Variants in SERTAD4 observed in about 807,000 individuals in gnomAD.
The protein encoded by SERTAD4 is SERTA domain containing 4.
Under a neutral mutation model 32.9 loss-of-function variants are expected in SERTAD4, and 18 were observed. That is an observed-to-expected ratio of 0.55 (90% CI 0.38 to 0.81). The LOEUF is 0.81. Ranked by LOEUF, SERTAD4 falls within the 30% of genes least tolerant of loss-of-function variation. SERTAD4 has a pLI of 0.00. For synonymous variants in SERTAD4, 150 were observed against 156.4 expected (o/e 0.96, Z 0.30); for missense variants, 383 against 426.0 (o/e 0.90, Z 0.89).
chr1:210,237,833 A>G (rs947285478), intron 1 of SERTAD4, 111 bp from the exon 2 acceptor site: 108 of 763,488 alleles, frequency 1.4e-4, no homozygotes, highest in Admixed American at 4.5e-4. Flanking sequence ...GGGAGGGCCG[A>G]GAAGTAAAAG....
rs1396549625 is a variant in SERTAD4 at position 210,242,926 on chromosome 1, A to G, written c.*589A>G. ...TAGGGGCGGCAATCAACAGTCTTAC[A>G]CAGAGAGGGTATTCCCTGCAAGTTT... On this transcript the variant is annotated 3_prime_UTR_variant, in exon 4 of 4. Transcript: ENST00000367012. This position sits in a 1 kb window ranked among gnomAD's most constrained non-coding sequence, Gnocchi z 4.0. 1.0e-6 allele frequency: 1 copy of G among 985,932 alleles called. No homozygotes were observed. The highest frequency in any genetic ancestry group is 1.2e-6 in the Non-Finnish European group (1 of 830,066). The allele number at this position is 985,932 out of a possible 1,614,324, so 61.1% of individuals were successfully genotyped here.
chr1:210,243,179 T>G lies in SERTAD4; in HGVS notation c.*842T>G, dbSNP rs1243383532. Reference sequence around the variant, plus strand: ...TTGAACTATTGTGTTCAGCTTTTGATTCGACATCTCTATTCTTTATTTTTG... The same window carrying G: ...TTGAACTATTGTGTTCAGCTTTTGAGTCGACATCTCTATTCTTTATTTTTG... On this transcript the variant is annotated 3_prime_UTR_variant, in exon 4 of 4. Coordinates refer to ENST00000367012, the MANE Select transcript of SERTAD4 (RefSeq NM_019605.5). The G allele has an allele frequency of 1.0e-6, 1 of 954,948 alleles. No homozygotes were observed. The highest frequency in any genetic ancestry group is 1.8e-5 in the African/African-American group (1 of 56,134). The allele number at this position is 954,948 out of a possible 1,614,324, so 59.2% of individuals were successfully genotyped here. A position where few individuals can be genotyped will look rare whatever the true frequency, so the allele number is the denominator to read the frequency against.
chr1:210,245,740 C>T lies in SERTAD4; in HGVS notation c.*3403C>T, dbSNP rs2084042832. 7.9e-6 allele frequency: 7 copies of T among 890,948 alleles called. No homozygotes were observed. In the South Asian group the frequency reaches 2.6e-4, roughly 33 times the overall value. 55.2% of individuals were successfully genotyped at this position (890,948 alleles called of 1,614,324 possible). A position where few individuals can be genotyped will look rare whatever the true frequency, so the allele number is the denominator to read the frequency against. On this transcript the variant is annotated 3_prime_UTR_variant, in exon 4 of 4. Coordinates refer to ENST00000367012, the MANE Select transcript of SERTAD4 (RefSeq NM_019605.5). Reference sequence around the variant, plus strand: ...AACTCCATCAAGACATGGCTACCCACCCCTCCAGTTATGAACTTGTATTAC... The same window carrying T: ...AACTCCATCAAGACATGGCTACCCATCCCTCCAGTTATGAACTTGTATTAC...
chr1:210,237,719 C>G (rs962182693), intron 1 of SERTAD4, among the ~76,000 whole-genome samples: 5 of 152,070 alleles, frequency 3.3e-5, no homozygotes, highest in Non-Finnish European at 7.4e-5. Context: ...TTTAAAGATC[C>G]GCCCATGAAA....
At position 210,241,910 on chromosome 1, in the gene SERTAD4, C is replaced by T. The variant is rs1179444721; in HGVS notation, c.644C>T (p.Thr215Ile). The change falls in exon 4 of 4, where the codon ACT becomes ATT. Residue 215 changes from threonine (T) to isoleucine (I), a missense_variant. Coordinates refer to ENST00000367012, the MANE Select transcript of SERTAD4 (RefSeq NM_019605.5). ...AATGCTAATGTTGGAAGTGCCTCCACTGCTGCCTCCTCTCCCTCCGCCTCT... is the reference window on the plus strand; with the variant it reads ...AATGCTAATGTTGGAAGTGCCTCCATTGCTGCCTCCTCTCCCTCCGCCTCT... ...SVNANVGSAS[T>I]AASSPSASSS... is the part of the protein sequence containing the mutation. The T allele has an allele frequency of 2.5e-6, 4 of 1,614,052 alleles. No individual in the cohort carries two copies. The highest frequency in any genetic ancestry group is 3.4e-6 in the Non-Finnish European group (4 of 1,180,030).
intron 1 of SERTAD4, among the ~76,000 whole-genome samples, chr1:210,235,111 A>T (rs1315146546): frequency 1.3e-5 from 2 of 152,146 alleles, no homozygotes; most frequent in Non-Finnish European, 1.5e-5. Flanking sequence ...CTCCTGTTGA[A>T]TCCATCACCT....
chr1:210,233,806 G>T (rs1164618003), intron 1 of SERTAD4: 1 of 469,960 alleles, frequency 2.1e-6, no homozygotes, highest in African/African-American at 2.0e-5. Flanking sequence ...GGGCGCTCCC[G>T]CAACCGCGGG....
At chr1:210,233,548 G>C (rs182338221) in intron 1 of SERTAD4, 2 of 398,202 alleles carry the variant, frequency 5.0e-6, no homozygotes, top group Non-Finnish European at 9.9e-6. Context: ...GACACCTTCT[G>C]TCCCCCGCCA....
chr1:210,234,190 C>T (rs2083917745), intron 1 of SERTAD4: 3 of 229,432 alleles, frequency 1.3e-5, no homozygotes, highest in South Asian at 1.0e-4. Flanking sequence ...GCGGCACCGA[C>T]ACCCCGGGGG....
Position 210,245,299 on chromosome 1 carries a change from A to G in SERTAD4, c.*2962A>G, listed in dbSNP as rs2084037884. On this transcript the variant is annotated 3_prime_UTR_variant, in exon 4 of 4. Transcript: ENST00000367012. ...TTTAAGAAAGTTGCCTTGCTCCCCAAGAGTGCCTTTAATTGCTATTCCCCT... is the reference window on the plus strand; with the variant it reads ...TTTAAGAAAGTTGCCTTGCTCCCCAGGAGTGCCTTTAATTGCTATTCCCCT... 1 of 152,194 alleles carries G rather than the reference A, an allele frequency of 6.6e-6. No individual in the cohort carries two copies. The highest frequency in any genetic ancestry group is 2.4e-5 in the African/African-American group (1 of 41,454). The allele number at this position is 152,194 out of a possible 1,614,324, so 9.4% of individuals were successfully genotyped here. A position where few individuals can be genotyped will look rare whatever the true frequency, so the allele number is the denominator to read the frequency against.
At chr1:210,234,200 G>T (rs2083917985) in intron 1 of SERTAD4, among the ~76,000 whole-genome samples, 1 of 151,850 alleles carries the variant, frequency 6.6e-6, no homozygotes, top group Non-Finnish European at 1.5e-5. Context: ...CACCCCGGGG[G>T]TGTGTCTGTG....
chr1:210,237,979 A>C lies in SERTAD4; in HGVS notation c.19A>C (p.Met7Leu). The C allele has an allele frequency of 6.2e-7, 1 of 1,610,944 alleles. No individual in the cohort carries two copies. The highest frequency in any genetic ancestry group is 8.5e-7 in the Non-Finnish European group (1 of 1,179,280). Residue 7 changes from methionine (M) to leucine (L), a missense_variant, in exon 2 of 4, where the codon ATG becomes CTG. Physicochemically the swap from Met to Leu is conservative, Grantham distance 15. Transcript: ENST00000367012. MTLVLS[M>L]NRFCEPIVSE... ...GTCAGAGATGACTCTGGTTCTGTCC[A>C]TGAATAGATTCTGCGAGCCCATTGT... is the stretch of plus-strand genomic sequence containing the variant.
In SERTAD4 at chr1:210,239,556, A is replaced by T. The variant is rs779927024; in HGVS notation, c.239A>T (p.Lys80Met). Reference protein sequence around the residue: ...TTSKITYFKRKYVEEEDFHPP... With the variant: ...TTSKITYFKRMYVEEEDFHPP... ...TCCAAGATCACATACTTTAAGAGGA[A>T]GTATGTGGAAGAAGAGGATTTTCAC... is the stretch of plus-strand genomic sequence containing the variant. The change falls in exon 3 of 4, where the codon AAG (lysine) becomes ATG (methionine). Residue 80 changes from lysine (K) to methionine (M), a missense_variant. This residue lies in a region of SERTAD4 where 107 missense variants were observed against 158.8 expected (regional missense o/e 0.67). Coordinates refer to ENST00000367012, the MANE Select transcript of SERTAD4 (RefSeq NM_019605.5). 1 of 1,609,592 alleles carries T rather than the reference A, an allele frequency of 6.2e-7. No individual in the cohort carries two copies. The highest frequency in any genetic ancestry group is 1.3e-5 in the African/African-American group (1 of 74,912).
In SERTAD4 at chr1:210,242,491, A is replaced by G; in HGVS notation, c.*154A>G. 7.0e-7 allele frequency: 1 copy of G among 1,423,124 alleles called. No homozygotes were observed. Among genetic ancestry groups the G allele is most frequent in the South Asian group, 1.6e-5 (1 of 61,206 alleles). The allele number at this position is 1,423,124 out of a possible 1,614,324, so 88.2% of individuals were successfully genotyped here. On this transcript the variant is annotated 3_prime_UTR_variant, in exon 4 of 4. Coordinates refer to ENST00000367012, the MANE Select transcript of SERTAD4 (RefSeq NM_019605.5). This position sits in a 1 kb window ranked among gnomAD's most constrained non-coding sequence, Gnocchi z 4.0. ...AATGCCTGGAGAGCAGATTGCGTAA[A>G]ACATCTGTATAGCAGGCATCAGCGA...
rs146325918 is a variant in SERTAD4 at position 210,241,813 on chromosome 1, T to A, written c.547T>A (p.Cys183Ser). Residue 183 changes from cysteine (C) to serine (S), a missense_variant, in exon 4 of 4, where the codon TGT (cysteine) becomes AGT (serine). Around this residue, in one of 3 missense-constraint regions of SERTAD4, gnomAD observed 107 missense variants for 158.8 expected, o/e 0.67. Coordinates refer to ENST00000367012, the MANE Select transcript of SERTAD4 (RefSeq NM_019605.5). ...ACGACCACGGATGGCCAAAGAGGAATGTGAAAAGTTTCATGCCTGCTGCTT... is the reference window on the plus strand; with the variant it reads ...ACGACCACGGATGGCCAAAGAGGAAAGTGAAAAGTTTCATGCCTGCTGCTT... ...RKRPRMAKEECEKFHACCFYQ... is the reference protein window; with the variant it reads ...RKRPRMAKEESEKFHACCFYQ... 1 of 1,614,126 alleles carries A rather than the reference T, an allele frequency of 6.2e-7. No homozygotes were observed. Among genetic ancestry groups the A allele is most frequent in the Non-Finnish European group, 8.5e-7 (1 of 1,180,026 alleles).
rs2084047161 is a variant in SERTAD4 at position 210,246,159 on chromosome 1, A to G, written c.*3822A>G. The stretch of plus-strand genomic sequence containing the variant: ...ATCAGTATTTAAATAATAAAAGAAG[A>G]GACAATGTATGGTTTATAGTGATTC... On this transcript the variant is annotated 3_prime_UTR_variant, in exon 4 of 4. Transcript: ENST00000367012. The G allele has an allele frequency of 1.3e-5, 2 of 153,800 alleles. No homozygotes were observed. The allele number at this position is 153,800 out of a possible 1,614,324, so 9.5% of individuals were successfully genotyped here. A position where few individuals can be genotyped will look rare whatever the true frequency, so the allele number is the denominator to read the frequency against.
intron 1 of SERTAD4, chr1:210,234,195 CG>C: frequency 4.5e-6 from 1 of 222,120 alleles, no homozygotes; most frequent in South Asian, 5.6e-5. Context: ...ACCGACACCC[CG>C]GGGGTGTGTC....
rs1404281556 is a variant in SERTAD4 at position 210,245,513 on chromosome 1, T to A, written c.*3176T>A. 6.6e-6 allele frequency: 1 copy of A among 152,226 alleles called. No individual in the cohort carries two copies. 9.4% of individuals were successfully genotyped at this position (152,226 alleles called of 1,614,324 possible). On this transcript the variant is annotated 3_prime_UTR_variant, in exon 4 of 4. Coordinates refer to ENST00000367012, the MANE Select transcript of SERTAD4 (RefSeq NM_019605.5). ...TTTGCAGGGGTCCTAGGGACAGGAT[T>A]GCAGGGACAGGGGACATGGGAGGAA...
Position 210,238,107 on chromosome 1 carries a change from A to G in SERTAD4, c.147A>G (p.Gly49=), listed in dbSNP as rs139241213. ...GGCCAGCACAAGCTCCTTTGCAGGGAGACCGGGGAGCTGGTCCCCCACTGG... is the reference window on the plus strand; with the variant it reads ...GGCCAGCACAAGCTCCTTTGCAGGGGGACCGGGGAGCTGGTCCCCCACTGG... ...PPGPAQAPLQ[G]DRGAGPPLAG... is the part of the protein sequence containing the mutation. Residue 49 remains glycine (G), a synonymous_variant, in exon 2 of 4, where the codon GGA becomes GGG. Coordinates refer to ENST00000367012, the MANE Select transcript of SERTAD4 (RefSeq NM_019605.5). 6.2e-7 allele frequency: 1 copy of G among 1,610,942 alleles called. No individual in the cohort carries two copies. The highest frequency in any genetic ancestry group is 1.1e-5 in the South Asian group (1 of 90,682).
Sources: allele counts gnomAD v4.1 joint callset (sites outside exome capture counted in the v4.1 genomes callset), GRCh38; gene constraint gnomAD v4.1.1; regional missense constraint gnomAD v4.1.1; non-coding constraint Gnocchi (gnomAD v3.1); transcripts MANE v1.5; gene names NCBI Gene and HGNC (gene_info 2026-07-23, HGNC 2026-07-21).